The following PMEPA1 variants were observed in gnomAD, a reference collection of about 807,000 sequenced individuals.
PMEPA1 encodes prostate transmembrane protein, androgen induced 1.
A neutral mutation model predicts 23.0 loss-of-function variants in PMEPA1; 11 were observed. The observed-to-expected ratio is 0.48, with a 90% CI of 0.30 to 0.79. The LOEUF (loss-of-function observed/expected upper bound fraction) is 0.79. Among genes scored for constraint, PMEPA1 ranks in the 30% least tolerant of loss-of-function variants. PMEPA1 has a pLI of 0.06. For synonymous variants in PMEPA1, 204 were observed against 166.4 expected (o/e 1.23, Z -1.74); for missense variants, 377 against 390.9 (o/e 0.96, Z 0.30).
Position 57,655,753 on chromosome 20 carries a change from G to A in PMEPA1, c.265-2667C>T, listed in dbSNP as rs1037357088. Among the ~76,000 whole-genome samples the A allele has an allele frequency of 1.3e-5, 2 of 152,174 alleles. No homozygotes were observed. Among genetic ancestry groups the A allele is most frequent in the African/African-American group, 2.4e-5 (1 of 41,434 alleles). ...TGGACTCCTCTTCTTTGAAGTGGGC[G>A]CACCCAGTCCACCTGCGCCTTCCCC... is the stretch of plus-strand genomic sequence containing the variant. On this transcript the variant is annotated intron_variant, in intron 2 of 3. Coordinates refer to ENST00000341744, the MANE Select transcript of PMEPA1 (RefSeq NM_020182.5). This position sits in a 1 kb window ranked among gnomAD's most constrained non-coding sequence, Gnocchi z 4.2.
chr20:57,667,615 G>A (rs1242747563), intron 1 of PMEPA1, among the ~76,000 whole-genome samples: 2 of 152,208 alleles, frequency 1.3e-5, no homozygotes, highest in Admixed American at 6.5e-5. Flanking sequence ...TGGTTAACAA[G>A]CAGCCAGTGC....
At chr20:57,689,487 C>T (rs956435736) in intron 1 of PMEPA1, among the ~76,000 whole-genome samples, 7 of 152,192 alleles carry the variant, frequency 4.6e-5, no homozygotes, top group Non-Finnish European at 7.3e-5. Context: ...CCCCGTTCCT[C>T]CTGGGGAGTC....
chr20:57,662,460 G>T (rs1434864364), intron 1 of PMEPA1, among the ~76,000 whole-genome samples: 1 of 152,254 alleles, frequency 6.6e-6, no homozygotes, highest in East Asian at 1.9e-4. Context: ...AGAAGGCTTC[G>T]GCCCTGCCTG....
chr20:57,653,204 C>G (rs1431534574), intron 2 of PMEPA1, 118 bp from the exon 3 acceptor site: 2 of 839,456 alleles, frequency 2.4e-6, no homozygotes, highest in Non-Finnish European at 3.9e-6. Flanking sequence ...AACCCGCCCA[C>G]CTCTCTGCAT....
intron 1 of PMEPA1, among the ~76,000 whole-genome samples, chr20:57,692,197 TG>T (rs1288726254): frequency 6.6e-6 from 1 of 152,216 alleles, no homozygotes; most frequent in Non-Finnish European, 1.5e-5. Context: ...CCCTGTGTAG[TG>T]GGTGCCTATT....
At chr20:57,690,874 G>A (rs1214458232) in intron 1 of PMEPA1, among the ~76,000 whole-genome samples, 2 of 152,120 alleles carry the variant, frequency 1.3e-5, no homozygotes, top group African/African-American at 4.8e-5. Flanking sequence ...TCCTGCACTC[G>A]CCCCATTTCA....
chr20:57,692,731 C>T (rs376000981), intron 1 of PMEPA1, among the ~76,000 whole-genome samples: 4 of 152,210 alleles, frequency 2.6e-5, no homozygotes, highest in African/African-American at 9.7e-5. Flanking sequence ...GAGGAACCTC[C>T]GTCCACCTCC....
Position 57,652,401 on chromosome 20 carries a change from G to T in PMEPA1, c.516C>A (p.Pro172=), listed in dbSNP as rs377720013. 7.4e-6 allele frequency: 12 copies of T among 1,613,652 alleles called. No homozygotes were observed. The highest frequency in any genetic ancestry group is 4.0e-5 in the African/African-American group (3 of 74,922). ...CCCGGTTCAGTTCCAGCTGCTGCTC[G>T]GGGTCCCGAAGCTGGAGGGTGCAGG... ...QGPCTLQLRD[P]EQQLELNRES... Residue 172 remains proline, a synonymous_variant, in exon 4 of 4, where the codon CCC becomes CCA. Coordinates refer to ENST00000341744, the MANE Select transcript of PMEPA1 (RefSeq NM_020182.5). This position sits in a 1 kb window ranked among gnomAD's most constrained non-coding sequence, Gnocchi z 6.1.
At chr20:57,666,346 G>A (rs978308088) in intron 1 of PMEPA1, among the ~76,000 whole-genome samples, 4 of 151,986 alleles carry the variant, frequency 2.6e-5, no homozygotes, top group Admixed American at 1.3e-4. Flanking sequence ...CATGCAGGGG[G>A]GCCGAACCCT....
chr20:57,669,248 C>T (rs2071535279), intron 1 of PMEPA1, among the ~76,000 whole-genome samples: 2 of 152,094 alleles, frequency 1.3e-5, no homozygotes, highest in African/African-American at 4.8e-5. Context: ...CTGCAACCTC[C>T]ACCTCCTGGT....
chr20:57,700,616 T>C (rs910632664), intron 1 of PMEPA1, among the ~76,000 whole-genome samples: 1 of 152,136 alleles, frequency 6.6e-6, no homozygotes, highest in African/African-American at 2.4e-5. Flanking sequence ...TTATCCACCA[T>C]CCAGATCCCA....
intron 1 of PMEPA1, among the ~76,000 whole-genome samples, chr20:57,705,091 A>C (rs2072060899): frequency 1.3e-5 from 2 of 152,236 alleles, no homozygotes; most frequent in Admixed American, 1.3e-4. Context: ...CAGGAAAGAC[A>C]GATGGGGTAG....
upstream of PMEPA1, chr20:57,710,571 G>T: frequency 1.7e-6 from 2 of 1,164,600 alleles, no homozygotes; most frequent in Non-Finnish European, 2.4e-6. Context: ...GGACGACCAG[G>T]AAAGACGGGA....
intron 1 of PMEPA1, among the ~76,000 whole-genome samples, chr20:57,660,756 C>T (rs1467476539): frequency 6.7e-6 from 1 of 150,100 alleles, no homozygotes; most frequent in African/African-American, 2.5e-5. Context: ...AACACCCCAA[C>T]ACTCCTCCAC....
chr20:57,658,270 G>A (rs915658847), intron 2 of PMEPA1, among the ~76,000 whole-genome samples: 2 of 152,164 alleles, frequency 1.3e-5, no homozygotes, highest in African/African-American at 4.8e-5. Context: ...AATGGAGAGC[G>A]GGGTCCCTCC....
At chr20:57,679,575 T>C (rs1005759621) in intron 1 of PMEPA1, among the ~76,000 whole-genome samples, 3 of 152,192 alleles carry the variant, frequency 2.0e-5, no homozygotes, top group Admixed American at 2.0e-4. Context: ...CTGCAGGGAA[T>C]GGACTTACAA....
chr20:57,695,449 A>T (rs1008529741), intron 1 of PMEPA1, among the ~76,000 whole-genome samples: 1 of 152,272 alleles, frequency 6.6e-6, no homozygotes, highest in Admixed American at 6.5e-5. Flanking sequence ...TTTCACCGCT[A>T]GAGAATCGGA....
In PMEPA1 at chr20:57,655,466, G is replaced by A. The variant is rs1013723672; in HGVS notation, c.265-2380C>T. Reference sequence around the variant, plus strand: ...CGCCGGCGTGCTATGCAGTCAGGGAGTGCTCAGGTTGCTACTTAAGTGCGG... The same window carrying A: ...CGCCGGCGTGCTATGCAGTCAGGGAATGCTCAGGTTGCTACTTAAGTGCGG... On this transcript the variant is annotated intron_variant, in intron 2 of 3. Transcript: ENST00000341744. The surrounding 1 kb of genome is among the most constrained non-coding windows in gnomAD (Gnocchi z 4.2). 2.0e-5 allele frequency among the ~76,000 whole-genome samples: 3 copies of A among 152,254 alleles called. No individual in the cohort carries two copies. Among genetic ancestry groups the A allele is most frequent in the African/African-American group, 7.2e-5 (3 of 41,458 alleles).
rs532433046 is a variant in PMEPA1 at position 57,663,105 on chromosome 20, C to A, written c.110-3408G>T. Reference sequence around the variant, plus strand: ...GGCTCAGTAGCGCATAAGAGCGTCACCCTGGTCCCTGGGCCACCAACTCCC... The same window carrying A: ...GGCTCAGTAGCGCATAAGAGCGTCAACCTGGTCCCTGGGCCACCAACTCCC... On this transcript the variant is annotated intron_variant, in intron 1 of 3. Transcript: ENST00000341744. Among the ~76,000 whole-genome samples, 69 of 152,332 alleles carry A rather than the reference C, an allele frequency of 4.5e-4. 1 individual carries two copies. Among genetic ancestry groups the A allele is most frequent in the African/African-American group, 1.5e-3 (63 of 41,558 alleles).
Sources: allele counts gnomAD v4.1 joint callset (sites outside exome capture counted in the v4.1 genomes callset), GRCh38; gene constraint gnomAD v4.1.1; non-coding constraint Gnocchi (gnomAD v3.1); transcripts MANE v1.5; gene names NCBI Gene and HGNC (gene_info 2026-07-23, HGNC 2026-07-21).